Variants in CECR2 observed in about 807,000 individuals in gnomAD.
The protein encoded by CECR2 is chromatin remodeling regulator CECR2.
A neutral mutation model predicts 154.5 loss-of-function variants in CECR2; 30 were observed. The observed-to-expected ratio is 0.19, with a 90% CI of 0.15 to 0.26. The LOEUF is 0.26. CECR2 is among the 10% of genes least tolerant of loss of function. The pLI is 1.00. For synonymous variants in CECR2, 725 were observed against 683.7 expected (o/e 1.06, Z -0.94); for missense variants, 1,743 against 1,829.3 (o/e 0.95, Z 0.86).
chr22:17,525,053 G>C (rs4494853), intron 9 of CECR2, among the ~76,000 whole-genome samples: 24,913 of 148,728 alleles, frequency 0.17, 2,426 homozygotes, highest in East Asian at 0.47. Flanking sequence ...GGAGGCCAAG[G>C]GGGGCGGATC....
chr22:17,406,552 A>G (rs546683740), intron 1 of CECR2, among the ~76,000 whole-genome samples: 41 of 152,292 alleles, frequency 2.7e-4, no homozygotes, highest in African/African-American at 9.9e-4. Context: ...TCCAAAAAAA[A>G]GAAAAGAATG....
chr22:17,448,553 TA>T (rs974810239), intron 1 of CECR2, among the ~76,000 whole-genome samples: 42 of 152,338 alleles, frequency 2.8e-4, no homozygotes, highest in African/African-American at 9.6e-4. Context: ...ATTGTTTACA[TA>T]AAGCCCTAAG....
At chr22:17,474,508 T>G (rs1425308589) in intron 1 of CECR2, among the ~76,000 whole-genome samples, 1 of 152,218 alleles carries the variant, frequency 6.6e-6, no homozygotes, top group Non-Finnish European at 1.5e-5. Flanking sequence ...GATATTCTAC[T>G]TTCTATTGTG....
At chr22:17,427,984 AGTT>A (rs1189893490) in intron 1 of CECR2, among the ~76,000 whole-genome samples, 1 of 152,184 alleles carries the variant, frequency 6.6e-6, no homozygotes, top group Non-Finnish European at 1.5e-5. Context: ...CCTCTCCAGC[AGTT>A]GTTGTTTCCT....
At chr22:17,489,820 G>C (rs1044600250) in intron 2 of CECR2, among the ~76,000 whole-genome samples, 1 of 149,940 alleles carries the variant, frequency 6.7e-6, no homozygotes, top group African/African-American at 2.4e-5. Context: ...TTTACTCTTT[G>C]CTTTTTTATT....
chr22:17,511,843 T>G lies in CECR2; in HGVS notation c.901T>G (p.Leu301Val), dbSNP rs61745636. ...GKRPQRTKAE[L>V]HPRWMSDHLS... is the part of the protein sequence containing the mutation. ...ACGTCCACAGCGCACAAAGGCAGAG[T>G]TGCATCCTAGGTGGATGTCTGACCA... The change falls in exon 8 of 19, where the codon TTG becomes GTG. Residue 301 changes from leucine (L) to valine (V), a missense_variant. Leu to Val is a conservative substitution (Grantham distance 32). Around this residue, in one of 4 missense-constraint regions of CECR2, gnomAD observed 292 missense variants for 301.2 expected, o/e 0.97. Transcript: ENST00000262608. 3.7e-3 allele frequency: 5,915 copies of G among 1,612,160 alleles called. 187 individuals carry two copies. In the African/African-American group the frequency reaches 0.07, roughly 19 times the overall value.
At chr22:17,366,677 C>T (rs1348529940), upstream of CECR2, among the ~76,000 whole-genome samples, 6 of 152,038 alleles carry the variant, frequency 3.9e-5, no homozygotes, top group Admixed American at 3.3e-4. Flanking sequence ...AAAATAGATC[C>T]GAGGCAGTTA....
chr22:17,383,284 G>A (rs2063221303), intron 1 of CECR2, among the ~76,000 whole-genome samples: 1 of 152,132 alleles, frequency 6.6e-6, no homozygotes, highest in African/African-American at 2.4e-5. Flanking sequence ...TAGTCTTTTT[G>A]CCAGTGCAGG....
chr22:17,427,731 T>C (rs2054353695), intron 1 of CECR2, among the ~76,000 whole-genome samples: 1 of 152,152 alleles, frequency 6.6e-6, no homozygotes, highest in African/African-American at 2.4e-5. Flanking sequence ...TTTTATTCCC[T>C]TATTTGGCCC....
At position 17,470,392 on chromosome 22, in the gene CECR2, CA is replaced by C. The variant is rs5844313; in HGVS notation, c.127-7180del. Among the ~76,000 whole-genome samples the C allele has an allele frequency of 2.0e-3, 203 of 99,812 alleles. 3 individuals carry two copies. The highest frequency in any genetic ancestry group is 1.9e-3 in the Admixed American group (17 of 8,744). 65.5% of individuals were successfully genotyped at this position (99,812 alleles called of 152,430 possible). Reference sequence around the variant, plus strand: ...GGTGGAGGTTGCAGAGACTCCGTCTCAAAAAAAAAAAAAAAAGAAAAAAAAA... The same window carrying C: ...GGTGGAGGTTGCAGAGACTCCGTCTCAAAAAAAAAAAAAAAGAAAAAAAAA... On this transcript the variant is annotated intron_variant, in intron 1 of 18. Transcript: ENST00000262608.
chr22:17,549,557 C>T lies in CECR2; in HGVS notation c.4270C>T (p.Pro1424Ser). 6.3e-7 allele frequency: 1 copy of T among 1,584,620 alleles called. No individual in the cohort carries two copies. The highest frequency in any genetic ancestry group is 8.6e-7 in the Non-Finnish European group (1 of 1,164,372). The change falls in exon 17 of 19, where the codon CCA becomes TCA. Residue 1424 changes from proline (P) to serine (S), a missense_variant. By Grantham distance (74) the Pro-to-Ser change is moderately conservative. This residue lies in a region of CECR2 where 1,250 missense variants were observed against 1,192.1 expected (regional missense o/e 1.05). Coordinates refer to ENST00000262608, the MANE Select transcript of CECR2 (RefSeq NM_001290047.2). Reference sequence around the variant, plus strand: ...AGGACCTTTCCAGGAAATGTACAGACCATCAGGGTAAGATTGCATTCAGGC... The same window carrying T: ...AGGACCTTTCCAGGAAATGTACAGATCATCAGGGTAAGATTGCATTCAGGC... ...IRGPFQEMYR[P>S]SGMQMHPVQS...
intron 1 of CECR2, among the ~76,000 whole-genome samples, chr22:17,447,880 T>G (rs1431737531): frequency 7.4e-6 from 1 of 136,048 alleles, no homozygotes; most frequent in Non-Finnish European, 1.5e-5. Context: ...AAGTGTTTTT[T>G]TTTTGTTTGT....
At chr22:17,371,040 C>T (rs750177364) in intron 1 of CECR2, among the ~76,000 whole-genome samples, 1 of 152,060 alleles carries the variant, frequency 6.6e-6, no homozygotes, top group Non-Finnish European at 1.5e-5. Flanking sequence ...TTGTTGTTGC[C>T]TCCCCAGCCC....
At chr22:17,416,061 A>T (rs1285959861) in intron 1 of CECR2, among the ~76,000 whole-genome samples, 1 of 152,198 alleles carries the variant, frequency 6.6e-6, no homozygotes, top group African/African-American at 2.4e-5. Context: ...TTGGATTAAA[A>T]TGGTGACAAC....
intron 1 of CECR2, among the ~76,000 whole-genome samples, chr22:17,433,023 C>T (rs1433856869): frequency 1.3e-5 from 2 of 152,174 alleles, no homozygotes; most frequent in East Asian, 1.9e-4. Flanking sequence ...CTCTTATCAC[C>T]GAGCTACATC....
intron 1 of CECR2, among the ~76,000 whole-genome samples, chr22:17,401,653 C>A (rs1372095512): frequency 6.6e-6 from 1 of 152,046 alleles, no homozygotes; most frequent in Admixed American, 6.6e-5. Context: ...GTAGTTGATT[C>A]CTTTTTATTG....
At chr22:17,364,524 G>C (rs533777552), upstream of CECR2, among the ~76,000 whole-genome samples, 33 of 152,080 alleles carry the variant, frequency 2.2e-4, 1 homozygote, top group South Asian at 6.6e-3. Flanking sequence ...TTAAATAGAA[G>C]AGAGAGGCAG....
intron 1 of CECR2, among the ~76,000 whole-genome samples, chr22:17,390,073 T>C (rs1001084179): frequency 5.9e-5 from 9 of 152,292 alleles, no homozygotes; most frequent in African/African-American, 2.2e-4. Flanking sequence ...ATTTTAAATA[T>C]ATTATTATTT....
intron 1 of CECR2, among the ~76,000 whole-genome samples, chr22:17,372,587 G>C (rs1462267995): frequency 6.6e-6 from 1 of 152,116 alleles, no homozygotes; most frequent in African/African-American, 2.4e-5. Context: ...ATGATCGCTT[G>C]AACCCGGTAG....
Sources: gnomAD v4.1 joint callset for allele counts (sites outside exome capture counted in the v4.1 genomes callset) on GRCh38, gnomAD v4.1.1 for gene constraint, gnomAD v4.1.1 regional missense constraint, MANE v1.5 for transcripts, NCBI Gene and HGNC (gene_info 2026-07-23, HGNC 2026-07-21) for gene names.